The following RP1L1 variants were observed in gnomAD, a reference collection of about 807,000 sequenced individuals.
RP1L1 encodes the protein RP1 like 1, also known as retinitis pigmentosa 1-like 1 protein.
A neutral mutation model predicts 15.7 loss-of-function variants in RP1L1; 27 were observed. That is an observed-to-expected ratio of 1.72 (90% CI 1.27 to 2.38). RP1L1 has a LOEUF of 2.38. Among genes scored for constraint, RP1L1 ranks in the 30% most tolerant of loss-of-function variants. The pLI, the probability that RP1L1 is intolerant of heterozygous loss-of-function variation, is 0.00. For synonymous variants in RP1L1, 1,813 were observed against 1,276.7 expected, an observed-to-expected ratio of 1.42 and a Z score of -8.96; for missense variants, 4,798 against 3,075.9, an observed-to-expected ratio of 1.56 and a Z score of -13.24.
intron 1 of RP1L1, among the ~76,000 whole-genome samples, chr8:10,649,947 C>G (rs1292536737): frequency 6.6e-6 from 1 of 152,164 alleles, no homozygotes; most frequent in Non-Finnish European, 1.5e-5. Context: ...CCTGCAGTTG[C>G]TGGGCCTCTC....
At chr8:10,613,600 CAA>C (rs71203341) in intron 3 of RP1L1, among the ~76,000 whole-genome samples, 1 of 62,376 alleles carries the variant, frequency 1.6e-5, no homozygotes, top group Non-Finnish European at 2.8e-5. Context: ...ACCATCTCTC[CAA>C]AAAAAAAAAA....
chr8:10,637,538 C>A lies in RP1L1; in HGVS notation c.-19-14318G>T, dbSNP rs190142737. On this transcript the variant is annotated intron_variant, in intron 1 of 3. Coordinates refer to ENST00000382483, the MANE Select transcript of RP1L1 (RefSeq NM_178857.6). Reference sequence around the variant, plus strand: ...AGGCGGGAGGATCACTTGAGCCCAGCAGTTCAAATGTAGCCTGGGCAACAG... The same window carrying A: ...AGGCGGGAGGATCACTTGAGCCCAGAAGTTCAAATGTAGCCTGGGCAACAG... Among the ~76,000 whole-genome samples the A allele has an allele frequency of 3.9e-4, 59 of 152,270 alleles. 1 individual carries two copies. Among genetic ancestry groups the A allele is most frequent in the Non-Finnish European group, 2.9e-5 (2 of 68,016 alleles).
intron 1 of RP1L1, among the ~76,000 whole-genome samples, chr8:10,646,805 T>A (rs1472725088): frequency 6.6e-6 from 1 of 152,240 alleles, no homozygotes; most frequent in Non-Finnish European, 1.5e-5. Flanking sequence ...ACAAGGATAA[T>A]ACTGCTTTCC....
In RP1L1 at chr8:10,613,011, C is replaced by G. The variant is rs771234281; in HGVS notation, c.1087G>C (p.Asp363His). Residue 363 changes from aspartate to histidine, a missense_variant, in exon 4 of 4, where the codon GAC becomes CAC. Coordinates refer to ENST00000382483, the MANE Select transcript of RP1L1 (RefSeq NM_178857.6). Reference protein sequence around the residue: ...SGEDPVLGEVDPLCCVWEGYP... With the variant: ...SGEDPVLGEVHPLCCVWEGYP... ...CCCTCCCACACACAGCAGAGGGGGTCTACCTCCCCCAGAACGGGGTCTTCC... is the reference window on the plus strand; with the variant it reads ...CCCTCCCACACACAGCAGAGGGGGTGTACCTCCCCCAGAACGGGGTCTTCC... The G allele has an allele frequency of 6.2e-6, 10 of 1,613,432 alleles. No individual in the cohort carries two copies. Among genetic ancestry groups the G allele is most frequent in the Non-Finnish European group, 8.5e-6 (10 of 1,179,982 alleles).
intron 3 of RP1L1, among the ~76,000 whole-genome samples, chr8:10,615,257 G>A (rs577254185): frequency 2.0e-5 from 3 of 152,346 alleles, no homozygotes; most frequent in East Asian, 3.9e-4. Flanking sequence ...ATAGTACTTT[G>A]TTTACTCGCC....
At chr8:10,631,839 A>T (rs982678031) in intron 1 of RP1L1, among the ~76,000 whole-genome samples, 1 of 152,198 alleles carries the variant, frequency 6.6e-6, no homozygotes, top group African/African-American at 2.4e-5. Context: ...CGGGGAAGAC[A>T]CTGCCAGGCA....
Position 10,610,050 on chromosome 8 carries a change from G to C in RP1L1, c.4048C>G (p.Gln1350Glu), listed in dbSNP as rs746363236. 8 of 1,275,154 alleles carry C rather than the reference G, an allele frequency of 6.3e-6. No homozygotes were observed. The highest frequency in any genetic ancestry group is 2.9e-5 in the Admixed American group (1 of 34,150). The allele number at this position is 1,275,154 out of a possible 1,614,324, so 79.0% of individuals were successfully genotyped here. The change falls in exon 4 of 4, where the codon CAA (glutamine) becomes GAA (glutamate). Residue 1350 changes from glutamine (Q) to glutamate (E), a missense_variant. Coordinates refer to ENST00000382483, the MANE Select transcript of RP1L1 (RefSeq NM_178857.6). Reference protein sequence around the residue: ...ETKETEGEGQQEEEAQLEEIE... With the variant: ...ETKETEGEGQEEEEAQLEEIE... ...TCCTCTAACTGCGCCTCTTCTTCTT[G>C]CTGTCCTTCTCCTTCTGTTTCTTTA...
At chr8:10,623,962 C>T (rs1350056953) in intron 1 of RP1L1, among the ~76,000 whole-genome samples, 1 of 150,264 alleles carries the variant, frequency 6.7e-6, no homozygotes, top group East Asian at 2.0e-4. Flanking sequence ...TCCCTGGCAT[C>T]ACCATGTCCC....
rs570222177 is a variant in RP1L1 at position 10,622,831 on chromosome 8, G to A, written c.371C>T (p.Pro124Leu). The change falls in exon 2 of 4, where the codon CCC (proline) becomes CTC (leucine). Residue 124 changes from proline to leucine, a missense_variant. Transcript: ENST00000382483. ...GACATCCCGCAACTGCTGAGCAGTGGGGTTTCTCTCCTGTGGCCGGCCTGG... is the reference window on the plus strand; with the variant it reads ...GACATCCCGCAACTGCTGAGCAGTGAGGTTTCTCTCCTGTGGCCGGCCTGG... ...SGPGRPQERNPTAQQLRDVEG... is the reference protein window; with the variant it reads ...SGPGRPQERNLTAQQLRDVEG... The A allele has an allele frequency of 1.9e-5, 30 of 1,613,394 alleles. No individual in the cohort carries two copies. Among genetic ancestry groups the A allele is most frequent in the Middle Eastern group, 1.7e-4 (1 of 6,054 alleles).
At chr8:10,614,673 A>G (rs1053765225) in intron 3 of RP1L1, among the ~76,000 whole-genome samples, 1 of 151,250 alleles carries the variant, frequency 6.6e-6, no homozygotes, top group Non-Finnish European at 1.5e-5. Flanking sequence ...AAAAAAAAAA[A>G]AAAAAAGAAA....
chr8:10,609,047 T>C lies in RP1L1; in HGVS notation c.5051A>G (p.Lys1684Arg). ...ATMGATRGPIKEAFDLQQILQ... is the reference protein window; with the variant it reads ...ATMGATRGPIREAFDLQQILQ... ...AATCTGCTGCAGGTCAAAGGCCTCT[T>C]TGATGGGACCTCTGGTTGCCCCCAT... Residue 1684 changes from lysine (K) to arginine (R), a missense_variant, in exon 4 of 4, where the codon AAA becomes AGA. Physicochemically the swap from Lys to Arg is conservative, Grantham distance 26 (BLOSUM62 2). Transcript: ENST00000382483. The C allele has an allele frequency of 5.0e-6, 8 of 1,613,824 alleles. No individual in the cohort carries two copies. Among genetic ancestry groups the C allele is most frequent in the South Asian group, 1.1e-5 (1 of 91,052 alleles).
chr8:10,616,427 A>G lies in RP1L1; in HGVS notation c.751+19T>C, dbSNP rs370763221. ...CATGCAGTGCAAATCAGATGGGGGA[A>G]ACCCAAAAACCAACTCACCGTTTTT... is the stretch of plus-strand genomic sequence containing the variant. On this transcript the variant is annotated intron_variant, in intron 3 of 3. Transcript: ENST00000382483. The G allele has an allele frequency of 1.9e-6, 3 of 1,614,092 alleles. No individual in the cohort carries two copies. The highest frequency in any genetic ancestry group is 2.7e-5 in the African/African-American group (2 of 74,960).
chr8:10,613,664 C>T (rs139209790), intron 3 of RP1L1, among the ~76,000 whole-genome samples: 2 of 148,450 alleles, frequency 1.3e-5, no homozygotes, highest in Non-Finnish European at 3.0e-5. Flanking sequence ...TATGCCCCTA[C>T]AGTCCCAGCT....
intron 3 of RP1L1, among the ~76,000 whole-genome samples, chr8:10,616,048 G>T (rs1451744223): frequency 6.6e-6 from 1 of 152,102 alleles, no homozygotes; most frequent in African/African-American, 2.4e-5. Flanking sequence ...GAAACTATAG[G>T]CATGTGCCAT....
Position 10,610,075 on chromosome 8 carries a change from A to AACTTCCTCTAACT in RP1L1, c.4022_4023insAGTTAGAGGAAGT (p.Lys1342ValfsTer5). ...GCTGTCCTTCTCCTTCTGTTTCTTT[A>AACTTCCTCTAACT]GTTTCCTCTAACTGCACCCCCTCTT... On this transcript the variant is annotated frameshift_variant, in exon 4 of 4. Coordinates refer to ENST00000382483, the MANE Select transcript of RP1L1 (RefSeq NM_178857.6). LOFTEE classifies it low-confidence loss of function (END_TRUNC). 1 of 1,480,688 alleles carries AACTTCCTCTAACT rather than the reference A, an allele frequency of 6.8e-7. No homozygotes were observed. Among genetic ancestry groups the AACTTCCTCTAACT allele is most frequent in the South Asian group, 1.2e-5 (1 of 81,010 alleles). The allele number at this position is 1,480,688 out of a possible 1,614,324, so 91.7% of individuals were successfully genotyped here.
At chr8:10,635,844 G>A (rs1798320897) in intron 1 of RP1L1, among the ~76,000 whole-genome samples, 1 of 152,242 alleles carries the variant, frequency 6.6e-6, no homozygotes, top group African/African-American at 2.4e-5. Flanking sequence ...GGGGACTCAG[G>A]ATCAGCAGAA....
At chr8:10,624,066 C>G (rs1295462800) in intron 1 of RP1L1, among the ~76,000 whole-genome samples, 1 of 152,200 alleles carries the variant, frequency 6.6e-6, no homozygotes, top group Non-Finnish European at 1.5e-5. Flanking sequence ...CCAGTATGAC[C>G]TTATCTTGCA....
At position 10,606,858 on chromosome 8, in the gene RP1L1, C is replaced by A. The variant is rs1161007262; in HGVS notation, c.*37G>T. ...AGAAAAAATATGAATAAAAACAGAG[C>A]TCCCAAGCTCGTGATTGTTTTCTAG... On this transcript the variant is annotated 3_prime_UTR_variant, in exon 4 of 4. Transcript: ENST00000382483. 3 of 1,613,008 alleles carry A rather than the reference C, an allele frequency of 1.9e-6. No individual in the cohort carries two copies. The African/African-American group carries it at 4.0e-5, about 22-fold the overall frequency.
chr8:10,634,360 G>A (rs751713613), intron 1 of RP1L1, among the ~76,000 whole-genome samples: 2 of 152,150 alleles, frequency 1.3e-5, no homozygotes, highest in Non-Finnish European at 2.9e-5. Flanking sequence ...ACGGACCCTA[G>A]GATGAGCCCC....
Sources: allele counts gnomAD v4.1 joint callset (sites outside exome capture counted in the v4.1 genomes callset), GRCh38; gene constraint gnomAD v4.1.1; transcripts MANE v1.5; gene names NCBI Gene and HGNC (gene_info 2026-07-23, HGNC 2026-07-21).